PXDC1: variants seen among roughly 807,000 people sequenced by gnomAD.
PXDC1 encodes PX domain-containing protein 1.
In PXDC1, 13 loss-of-function variants were observed where a neutral mutation model predicts 24.4. That is an observed-to-expected ratio of 0.53 (90% CI 0.35 to 0.85). The LOEUF (loss-of-function observed/expected upper bound fraction) is 0.85. PXDC1 is among the 40% of genes least tolerant of loss of function. The pLI, the probability that PXDC1 is intolerant of heterozygous loss-of-function variation, is 0.01. For synonymous variants in PXDC1, 162 were observed against 124.9 expected, an observed-to-expected ratio of 1.30 and a Z score of -1.98; for missense variants, 344 against 309.3, an observed-to-expected ratio of 1.11 and a Z score of -0.84.
chr6:3,732,864 A>G (rs1352103555), intron 3 of PXDC1, among the ~76,000 whole-genome samples: 1 of 152,198 alleles, frequency 6.6e-6, no homozygotes, highest in African/African-American at 2.4e-5. Flanking sequence ...CCCTACACGT[A>G]TGTCAGTGGC....
In PXDC1 at chr6:3,724,491, G is replaced by A. The variant is rs374696052; in HGVS notation, c.579-755C>T. ...AGAGACTCCAGGTCTTTAAAAATGC[G>A]TAACAGAGAAAAGCACAAGAAGGAC... On this transcript the variant is annotated intron_variant, in intron 4 of 4. Transcript: ENST00000380283. This position sits in a 1 kb window ranked among gnomAD's most constrained non-coding sequence, Gnocchi z 4.5. 5.9e-5 allele frequency among the ~76,000 whole-genome samples: 9 copies of A among 152,204 alleles called. No homozygotes were observed. The highest frequency in any genetic ancestry group is 9.7e-5 in the African/African-American group (4 of 41,446).
chr6:3,747,244 C>A, intron 1 of PXDC1, among the ~76,000 whole-genome samples: 1 of 152,112 alleles, frequency 6.6e-6, no homozygotes, highest in East Asian at 1.9e-4. Flanking sequence ...CTACTCCACA[C>A]CCCATGTCTG....
In PXDC1 at chr6:3,724,049, T is replaced by C. The variant is rs1204394291; in HGVS notation, c.579-313A>G. Among the ~76,000 whole-genome samples the C allele has an allele frequency of 6.6e-6, 1 of 152,210 alleles. No homozygotes were observed. Among genetic ancestry groups the C allele is most frequent in the East Asian group, 1.9e-4 (1 of 5,190 alleles). ...CCGCGTCAGGCTGTGGGATCAGCAG[T>C]GAACAAGGCAGGCAGGGTCTGTCCT... On this transcript the variant is annotated intron_variant, in intron 4 of 4. Transcript: ENST00000380283. This position sits in a 1 kb window ranked among gnomAD's most constrained non-coding sequence, Gnocchi z 4.5.
At position 3,736,133 on chromosome 6, in the gene PXDC1, C is replaced by T. The variant is rs895301733; in HGVS notation, c.466+946G>A. Reference sequence around the variant, plus strand: ...ACAGCCAACAGCATCAGTCACCCATCCCCACTGTCCTCTGGTCTCCCAATT... The same window carrying T: ...ACAGCCAACAGCATCAGTCACCCATTCCCACTGTCCTCTGGTCTCCCAATT... On this transcript the variant is annotated intron_variant, in intron 3 of 4. Coordinates refer to ENST00000380283, the MANE Select transcript of PXDC1 (RefSeq NM_183373.4). 2.6e-5 allele frequency among the ~76,000 whole-genome samples: 4 copies of T among 152,186 alleles called. No homozygotes were observed. In the South Asian group the frequency reaches 8.3e-4, roughly 32 times the overall value.
intron 1 of PXDC1, among the ~76,000 whole-genome samples, chr6:3,741,777 T>C (rs545748165): frequency 6.6e-6 from 1 of 152,330 alleles, no homozygotes; most frequent in Admixed American, 6.5e-5. Flanking sequence ...ACTCAAGAAG[T>C]GACACTGGCA....
Position 3,737,186 on chromosome 6 carries a change from G to T in PXDC1, c.359C>A (p.Ser120Ter). The part of the protein sequence containing the change: ...IISMPCKYSR[S>*]EVVLTFFERS... ...TTCGAAGAAGGTGAGCACAACTTCC[G>T]ATCTAGAATACTGGGGAGAAATGCA... Residue 120 changes from serine (S) to a stop codon, truncating the protein, a stop_gained, in exon 3 of 5, where the codon TCG becomes TAG. Coordinates refer to ENST00000380283, the MANE Select transcript of PXDC1 (RefSeq NM_183373.4). LOFTEE classifies it high-confidence loss of function. The surrounding 1 kb of genome is among the most constrained non-coding windows in gnomAD (Gnocchi z 5.5). The T allele has an allele frequency of 1.9e-6, 3 of 1,604,324 alleles. No homozygotes were observed. Among genetic ancestry groups the T allele is most frequent in the Non-Finnish European group, 2.6e-6 (3 of 1,171,124 alleles).
chr6:3,727,859 G>A (rs140567774), intron 3 of PXDC1, among the ~76,000 whole-genome samples, 197 bp from the exon 4 acceptor site: 55 of 152,212 alleles, frequency 3.6e-4, no homozygotes, highest in African/African-American at 1.2e-3. Context: ...GTCAATCCCC[G>A]CAGGAGCCAG....
At chr6:3,739,537 G>A in intron 1 of PXDC1, among the ~76,000 whole-genome samples, 1 of 152,266 alleles carries the variant, frequency 6.6e-6, no homozygotes, top group Non-Finnish European at 1.5e-5. Context: ...CGTGGTCTGT[G>A]ACTCAGCCAC....
chr6:3,727,922 C>G (rs1367838136), intron 3 of PXDC1, among the ~76,000 whole-genome samples: 1 of 152,158 alleles, frequency 6.6e-6, no homozygotes, highest in Non-Finnish European at 1.5e-5. Context: ...TGAGTACGCT[C>G]TCCATATGCC....
chr6:3,736,682 G>T (rs1451851233), intron 3 of PXDC1, among the ~76,000 whole-genome samples: 1 of 152,216 alleles, frequency 6.6e-6, no homozygotes, highest in Non-Finnish European at 1.5e-5. Flanking sequence ...CCTAAAGCCT[G>T]TGCGTCCCTT....
chr6:3,733,465 G>A (rs1760246755), intron 3 of PXDC1, among the ~76,000 whole-genome samples: 1 of 152,176 alleles, frequency 6.6e-6, no homozygotes, highest in Non-Finnish European at 1.5e-5. Context: ...CCACCGGCAG[G>A]CACAACTGCT....
Position 3,741,929 on chromosome 6 carries a change from CTG to C in PXDC1, c.257-3783_257-3782del, listed in dbSNP as rs1346585517. Among the ~76,000 whole-genome samples, 10 of 150,906 alleles carry C rather than the reference CTG, an allele frequency of 6.6e-5. No individual in the cohort carries two copies. In the East Asian group the frequency reaches 1.9e-3, roughly 29 times the overall value. On this transcript the variant is annotated intron_variant, in intron 1 of 4. Transcript: ENST00000380283. ...AAGGAAAACACTTTTTAAAAAAAAA[CTG>C]TACAACTGTCCACTGGGACCACAGT...
In PXDC1 at chr6:3,737,830, G is replaced by A. The variant is rs1015652036; in HGVS notation, c.348+227C>T. 3.6e-4 allele frequency: 142 copies of A among 396,358 alleles called. 1 individual carries two copies. The highest frequency in any genetic ancestry group is 1.3e-4 in the Admixed American group (2 of 15,580). 24.6% of individuals were successfully genotyped at this position (396,358 alleles called of 1,614,324 possible). A position where few individuals can be genotyped will look rare whatever the true frequency, so the allele number is the denominator to read the frequency against. Reference sequence around the variant, plus strand: ...TCCCTCATTTTCACTCTTTCCCCAGGGAGGAAAAACCGGGGCCACTGGAGC... The same window carrying A: ...TCCCTCATTTTCACTCTTTCCCCAGAGAGGAAAAACCGGGGCCACTGGAGC... On this transcript the variant is annotated intron_variant, in intron 2 of 4. Coordinates refer to ENST00000380283, the MANE Select transcript of PXDC1 (RefSeq NM_183373.4). The surrounding 1 kb of genome is among the most constrained non-coding windows in gnomAD (Gnocchi z 5.5).
At chr6:3,746,340 G>A (rs1166334526) in intron 1 of PXDC1, among the ~76,000 whole-genome samples, 2 of 152,190 alleles carry the variant, frequency 1.3e-5, no homozygotes, top group African/African-American at 4.8e-5. Flanking sequence ...GGGCGGCGGG[G>A]TTTGGGCTTG....
At chr6:3,738,402 G>A (rs1760377215) in intron 1 of PXDC1, among the ~76,000 whole-genome samples, 1 of 152,156 alleles carries the variant, frequency 6.6e-6, no homozygotes, top group South Asian at 2.1e-4. Flanking sequence ...AAGGGGATGG[G>A]AGGTGTAAGA....
rs1760180098 is a variant in PXDC1 at position 3,730,842 on chromosome 6, C to T, written c.467-3180G>A. On this transcript the variant is annotated intron_variant, in intron 3 of 4. Coordinates refer to ENST00000380283, the MANE Select transcript of PXDC1 (RefSeq NM_183373.4). ...GCATGGCGTGTCTCAGTGTGGAATGCTGGCTCCTCAGGAGGCACGAGCAGG... is the reference window on the plus strand; with the variant it reads ...GCATGGCGTGTCTCAGTGTGGAATGTTGGCTCCTCAGGAGGCACGAGCAGG... Among the ~76,000 whole-genome samples, 3 of 152,252 alleles carry T rather than the reference C, an allele frequency of 2.0e-5. No individual in the cohort carries two copies. The South Asian group carries it at 6.2e-4, about 31-fold the overall frequency.
chr6:3,747,093 G>A (rs1760587885), intron 1 of PXDC1, among the ~76,000 whole-genome samples: 1 of 152,024 alleles, frequency 6.6e-6, no homozygotes, highest in Admixed American at 6.5e-5. Context: ...AAGAGAAAAC[G>A]CTAAAATGCC....
intron 1 of PXDC1, among the ~76,000 whole-genome samples, chr6:3,742,553 G>C (rs1023893849): frequency 6.6e-6 from 1 of 152,172 alleles, no homozygotes; most frequent in African/African-American, 2.4e-5. Context: ...GGGTCTTTCA[G>C]GACTGACCAG....
At chr6:3,735,309 A>G (rs1214509294) in intron 3 of PXDC1, among the ~76,000 whole-genome samples, 2 of 152,250 alleles carry the variant, frequency 1.3e-5, no homozygotes, top group Non-Finnish European at 2.9e-5. Context: ...ATATACTTAC[A>G]GCCAACTGAT....
Sources: allele counts gnomAD v4.1 joint callset (sites outside exome capture counted in the v4.1 genomes callset), GRCh38; gene constraint gnomAD v4.1.1; non-coding constraint Gnocchi (gnomAD v3.1); transcripts MANE v1.5; gene names NCBI Gene and HGNC (gene_info 2026-07-23, HGNC 2026-07-21).